The following HSDL2 variants were observed in gnomAD, a reference collection of about 807,000 sequenced individuals.
HSDL2 encodes the protein hydroxysteroid dehydrogenase like 2.
In HSDL2, 27 loss-of-function variants were observed where a neutral mutation model predicts 46.3. That is an observed-to-expected ratio of 0.58 (90% confidence interval 0.43 to 0.80). HSDL2 has a LOEUF of 0.80. HSDL2 is among the 30% of genes least tolerant of loss of function. The pLI, the probability that HSDL2 is intolerant of heterozygous loss-of-function variation, is 0.00. For synonymous variants in HSDL2, 153 were observed against 163.6 expected (o/e 0.94, Z 0.50); for missense variants, 451 against 502.7 (o/e 0.90, Z 0.98).
intron 3 of HSDL2, among the ~76,000 whole-genome samples, chr9:112,407,279 G>T (rs1452373589): frequency 6.6e-6 from 1 of 152,242 alleles, no homozygotes; most frequent in Non-Finnish European, 1.5e-5. Context: ...TATCTAAAAT[G>T]ACTTCACCTA....
At chr9:112,460,486 C>T (rs1341831195) in intron 10 of HSDL2, among the ~76,000 whole-genome samples, 1 of 152,200 alleles carries the variant, frequency 6.6e-6, no homozygotes, top group East Asian at 1.9e-4. Context: ...TGGTGGCTCG[C>T]GCCTGGAATC....
intron 8 of HSDL2, among the ~76,000 whole-genome samples, chr9:112,449,671 C>T (rs572444477): frequency 6.6e-6 from 1 of 152,130 alleles, no homozygotes; most frequent in East Asian, 1.9e-4. Context: ...CAAGACCAGC[C>T]TGGGCAACAT....
At chr9:112,410,038 G>A (rs761794230) in intron 4 of HSDL2, among the ~76,000 whole-genome samples, 5 of 151,468 alleles carry the variant, frequency 3.3e-5, no homozygotes, top group East Asian at 1.9e-4. Context: ...AAAAAAAGAC[G>A]TAGGTTTTAG....
At chr9:112,404,471 T>G (rs972199021) in intron 2 of HSDL2, among the ~76,000 whole-genome samples, 1 of 150,856 alleles carries the variant, frequency 6.6e-6, no homozygotes, top group Admixed American at 6.6e-5. Context: ...GAGGTGGAGG[T>G]TGCAGTGAGC....
At position 112,442,124 on chromosome 9, in the gene HSDL2, T is replaced by C. The variant is rs555214980; in HGVS notation, c.865+354T>C. On this transcript the variant is annotated intron_variant, in intron 8 of 10. Transcript: ENST00000398805. The stretch of plus-strand genomic sequence containing the variant: ...AAAAAAAATACAAAAAAAAAATACG[T>C]TGGGCGTGGTGGCACGAGACTGTAG... Among the ~76,000 whole-genome samples, 5 of 151,552 alleles carry C rather than the reference T, an allele frequency of 3.3e-5. No individual in the cohort carries two copies. In the South Asian group the frequency reaches 6.3e-4, roughly 19 times the overall value.
At chr9:112,391,457 A>T (rs1831342080) in intron 1 of HSDL2, among the ~76,000 whole-genome samples, 1 of 152,172 alleles carries the variant, frequency 6.6e-6, no homozygotes, top group African/African-American at 2.4e-5. Flanking sequence ...GGTGATACAG[A>T]AGACCCAATC....
intron 1 of HSDL2, among the ~76,000 whole-genome samples, chr9:112,388,547 A>C (rs1831269015): frequency 6.6e-6 from 1 of 150,948 alleles, no homozygotes; most frequent in South Asian, 2.1e-4. Flanking sequence ...GTGGATCACA[A>C]GGTCAGGAGT....
At chr9:112,389,245 G>A (rs1212747379) in intron 1 of HSDL2, among the ~76,000 whole-genome samples, 2 of 152,062 alleles carry the variant, frequency 1.3e-5, no homozygotes, top group Non-Finnish European at 2.9e-5. Flanking sequence ...GGCTGGTTTC[G>A]ACTTCTGGGC....
At chr9:112,385,975 A>G (rs965331181) in intron 1 of HSDL2, among the ~76,000 whole-genome samples, 6 of 151,040 alleles carry the variant, frequency 4.0e-5, no homozygotes, top group Admixed American at 6.6e-5. Flanking sequence ...TGGTCTTGCT[A>G]TGTTGCCTAG....
At chr9:112,390,515 A>G (rs529595539) in intron 1 of HSDL2, among the ~76,000 whole-genome samples, 8 of 152,254 alleles carry the variant, frequency 5.3e-5, no homozygotes, top group South Asian at 2.1e-4. Context: ...GTGCAGTGAC[A>G]TGATCATGGC....
At chr9:112,461,062 T>C (rs1320342666) in intron 10 of HSDL2, among the ~76,000 whole-genome samples, 1 of 152,160 alleles carries the variant, frequency 6.6e-6, no homozygotes, top group Non-Finnish European at 1.5e-5. Context: ...ATGTTTATCA[T>C]TGGTTATCCC....
chr9:112,409,643 C>T (rs1283036114), intron 4 of HSDL2, among the ~76,000 whole-genome samples: 2 of 152,048 alleles, frequency 1.3e-5, no homozygotes, highest in Admixed American at 1.3e-4. Flanking sequence ...GACTGAGATG[C>T]ACAAGATGGC....
intron 4 of HSDL2, among the ~76,000 whole-genome samples, chr9:112,415,876 A>AT (rs1267729028): frequency 3.9e-5 from 6 of 152,134 alleles, no homozygotes; most frequent in Non-Finnish European, 8.8e-5. Context: ...ATCTTGGCGG[A>AT]GCGTGGGTGG....
At chr9:112,395,449 G>A (rs1469630876) in intron 1 of HSDL2, among the ~76,000 whole-genome samples, 1 of 152,204 alleles carries the variant, frequency 6.6e-6, no homozygotes, top group African/African-American at 2.4e-5. Context: ...ATTGGTTTGG[G>A]AGTTTTTCCA....
intron 6 of HSDL2, among the ~76,000 whole-genome samples, chr9:112,421,004 A>C (rs1009231741): frequency 6.6e-6 from 1 of 152,204 alleles, no homozygotes; most frequent in African/African-American, 2.4e-5. Flanking sequence ...AAGAGAATGC[A>C]TAGTGGGAAC....
chr9:112,470,720 T>A lies in HSDL2; in HGVS notation c.*176T>A, dbSNP rs940020862. The A allele has an allele frequency of 3.4e-5, 17 of 493,966 alleles. No individual in the cohort carries two copies. The highest frequency in any genetic ancestry group is 5.7e-5 in the Non-Finnish European group (16 of 279,684). 30.6% of individuals were successfully genotyped at this position (493,966 alleles called of 1,614,324 possible). On this transcript the variant is annotated 3_prime_UTR_variant, in exon 11 of 11. Coordinates refer to ENST00000398805, the MANE Select transcript of HSDL2 (RefSeq NM_032303.5). The stretch of plus-strand genomic sequence containing the variant: ...AATTGTAATTAAAATGGCAAGCTAA[T>A]CAAACATAAGCTTCATTAAGTGGGA...
intron 5 of HSDL2, 63 bp from the exon 6 acceptor site, chr9:112,418,797 C>T (rs1044456193): frequency 4.4e-6 from 4 of 917,528 alleles, no homozygotes; most frequent in East Asian, 3.2e-5. Context: ...GTTATTTCTA[C>T]TCACAAGTTA....
Position 112,459,482 on chromosome 9 carries a change from A to C in HSDL2, c.1049A>C (p.Lys350Thr), listed in dbSNP as rs1369127664. The C allele has an allele frequency of 6.2e-7, 1 of 1,614,048 alleles. No homozygotes were observed. Among genetic ancestry groups the C allele is most frequent in the Non-Finnish European group, 8.5e-7 (1 of 1,179,918 alleles). ...EDGGTWFLDLKSKGGNVGYGE... is the reference protein window; with the variant it reads ...EDGGTWFLDLTSKGGNVGYGE... Reference sequence around the variant, plus strand: ...GGTGGCACGTGGTTTCTTGATCTGAAAAGCAAGGGTGGGAATGTCGGATAT... The same window carrying C: ...GGTGGCACGTGGTTTCTTGATCTGACAAGCAAGGGTGGGAATGTCGGATAT... Residue 350 changes from lysine (K) to threonine (T), a missense_variant, in exon 10 of 11, where the codon AAA becomes ACA. By Grantham distance (78) the Lys-to-Thr change is moderately conservative. Coordinates refer to ENST00000398805, the MANE Select transcript of HSDL2 (RefSeq NM_032303.5).
At chr9:112,387,175 A>T (rs1831235637) in intron 1 of HSDL2, among the ~76,000 whole-genome samples, 1 of 152,032 alleles carries the variant, frequency 6.6e-6, no homozygotes, top group East Asian at 1.9e-4. Flanking sequence ...GTAAATACTG[A>T]AGTATTCATA....
Sources: allele counts gnomAD v4.1 joint callset (sites outside exome capture counted in the v4.1 genomes callset), GRCh38; gene constraint gnomAD v4.1.1; transcripts MANE v1.5; gene names NCBI Gene and HGNC (gene_info 2026-07-23, HGNC 2026-07-21).